The following ALDH6A1 variants were observed in gnomAD, a reference collection of about 807,000 sequenced individuals.
The protein encoded by ALDH6A1 is methylmalonate-semialdehyde/malonate-semialdehyde dehydrogenase [acylating], mitochondrial.
ALDH6A1 carries 43 observed loss-of-function variants against 62.6 expected under a neutral mutation model. That is an observed-to-expected ratio of 0.69 (90% CI 0.54 to 0.89). The LOEUF (loss-of-function observed/expected upper bound fraction) is 0.89, where lower values mean the gene tolerates loss of function less well. Among genes scored for constraint, ALDH6A1 ranks in the 40% least tolerant of loss-of-function variants. The pLI is 0.00. For synonymous variants in ALDH6A1, 194 were observed against 234.2 expected, an observed-to-expected ratio of 0.83 and a Z score of 1.57; for missense variants, 551 against 661.3, an observed-to-expected ratio of 0.83 and a Z score of 1.83.
At position 74,057,141 on chromosome 14, in the gene ALDH6A1, C is replaced by T. The variant is rs369241982; in HGVS notation, c.*3501G>A. 97 of 1,609,332 alleles carry T rather than the reference C, an allele frequency of 6.0e-5. No individual in the cohort carries two copies. Among genetic ancestry groups the T allele is most frequent in the Non-Finnish European group, 7.6e-5 (90 of 1,176,968 alleles). ...CGGTTCTGTTATTTTGTCATTATTG[C>T]AGGGATGAAAGTAAGCTTCAAGATA... is the stretch of plus-strand genomic sequence containing the variant. On this transcript the variant is annotated 3_prime_UTR_variant, in exon 12 of 12. Transcript: ENST00000553458.
At chr14:74,071,639 G>C (rs934914631) in intron 5 of ALDH6A1, 142 bp from the exon 6 acceptor site, 5 of 1,550,846 alleles carry the variant, frequency 3.2e-6, no homozygotes, top group Non-Finnish European at 4.3e-6. Flanking sequence ...CCAAGTTAAG[G>C]GTTTGTGCAA....
intron 11 of ALDH6A1, 81 bp from the exon 12 acceptor site, chr14:74,060,827 T>G: frequency 1.1e-6 from 1 of 946,794 alleles, no homozygotes; most frequent in Non-Finnish European, 1.7e-6. Context: ...AAGGAGGTAT[T>G]ATAAAGTGCT....
chr14:74,072,412 C>T, intron 3 of ALDH6A1, 48 bp from the exon 4 acceptor site: 1 of 1,613,994 alleles, frequency 6.2e-7, no homozygotes, highest in East Asian at 2.2e-5. Context: ...TCACCTTCTC[C>T]ACTGTACATC....
chr14:74,064,754 C>A (rs1309044826), intron 11 of ALDH6A1, 68 bp downstream of exon 11: 14 of 1,611,732 alleles, frequency 8.7e-6, no homozygotes, highest in Non-Finnish European at 1.2e-5. Flanking sequence ...CTTGCAGAAT[C>A]CTTGCTCCTG....
Position 74,067,502 on chromosome 14 carries a change from C to T in ALDH6A1, c.920G>A (p.Gly307Glu), listed in dbSNP as rs1272412729. Residue 307 changes from glycine to glutamate, a missense_variant, in exon 8 of 12, where the codon GGG becomes GAG. Physicochemically the swap from Gly to Glu is moderately conservative, Grantham distance 98. Coordinates refer to ENST00000553458, the MANE Select transcript of ALDH6A1 (RefSeq NM_005589.4). ...CTGACCAGCAGCTCCAAATGCTGCC[C>T]CAACCAGCTGGTTCAGGGTATTTTC... Reference protein sequence around the residue: ...NKENTLNQLVGAAFGAAGQRC... With the variant: ...NKENTLNQLVEAAFGAAGQRC... 3.7e-6 allele frequency: 6 copies of T among 1,614,126 alleles called. No individual in the cohort carries two copies. Among genetic ancestry groups the T allele is most frequent in the Non-Finnish European group, 5.1e-6 (6 of 1,180,030 alleles).
chr14:74,065,742 A>T (rs759248139), intron 9 of ALDH6A1: 27 of 218,018 alleles, frequency 1.2e-4, no homozygotes, highest in Non-Finnish European at 2.4e-4. Flanking sequence ...TACCAGGATA[A>T]TTTTTCTCTT....
At chr14:74,080,668 CTT>C (rs1434831258) in intron 1 of ALDH6A1, among the ~76,000 whole-genome samples, 2 of 152,142 alleles carry the variant, frequency 1.3e-5, no homozygotes, top group African/African-American at 4.8e-5. Flanking sequence ...GTTTTGAACT[CTT>C]AGCCTCAAGC....
chr14:74,075,680 T>C (rs2060605109), intron 1 of ALDH6A1, among the ~76,000 whole-genome samples: 1 of 151,852 alleles, frequency 6.6e-6, no homozygotes, highest in African/African-American at 2.4e-5. Flanking sequence ...AATGTAAATA[T>C]AAATATAAGT....
At chr14:74,072,014 G>A in intron 4 of ALDH6A1, 40 bp from the exon 5 acceptor site, 1 of 1,600,348 alleles carries the variant, frequency 6.2e-7, no homozygotes. Flanking sequence ...ATGCAAGAAT[G>A]TTCCTCTTTT....
chr14:74,070,467 C>T (rs2060533792), intron 6 of ALDH6A1, among the ~76,000 whole-genome samples: 2 of 151,994 alleles, frequency 1.3e-5, no homozygotes, highest in South Asian at 2.1e-4. Context: ...TAGAGTGAGC[C>T]GAGATCGCAC....
intron 11 of ALDH6A1, among the ~76,000 whole-genome samples, chr14:74,061,937 C>T (rs1365581586): frequency 1.3e-5 from 2 of 149,908 alleles, no homozygotes; most frequent in Non-Finnish European, 3.0e-5. Flanking sequence ...CAGCCAGGAG[C>T]GGTGGCTCAC....
chr14:74,074,373 G>A (rs1306684134), intron 2 of ALDH6A1, among the ~76,000 whole-genome samples: 1 of 149,464 alleles, frequency 6.7e-6, no homozygotes, highest in African/African-American at 2.5e-5. Context: ...TGCAACCTCC[G>A]CCTCCCGAAT....
At chr14:74,077,959 A>G (rs1595133172) in intron 1 of ALDH6A1, among the ~76,000 whole-genome samples, 1 of 152,212 alleles carries the variant, frequency 6.6e-6, no homozygotes, top group East Asian at 1.9e-4. Context: ...GTCATTGTAA[A>G]TAACGGCACG....
At chr14:74,072,924 C>T (rs369701097) in intron 2 of ALDH6A1, among the ~76,000 whole-genome samples, 2 of 151,376 alleles carry the variant, frequency 1.3e-5, no homozygotes, top group East Asian at 1.9e-4. Flanking sequence ...CTCAGCCCTT[C>T]GAGTAGCTGA....
intron 1 of ALDH6A1, among the ~76,000 whole-genome samples, chr14:74,079,969 T>C (rs1248729010): frequency 1.3e-5 from 2 of 152,046 alleles, no homozygotes; most frequent in East Asian, 3.9e-4. Context: ...GCCTTGGAGA[T>C]TGAGGCTACA....
chr14:74,067,513 G>C lies in ALDH6A1; in HGVS notation c.909C>G (p.Asn303Lys). Residue 303 changes from asparagine (N) to lysine (K), a missense_variant, in exon 8 of 12, where the codon AAC becomes AAG. By Grantham distance (94) the Asn-to-Lys change is moderately conservative. Coordinates refer to ENST00000553458, the MANE Select transcript of ALDH6A1 (RefSeq NM_005589.4). ...MPDANKENTL[N>K]QLVGAAFGAA... is the part of the protein sequence containing the mutation. Reference sequence around the variant, plus strand: ...CTCCAAATGCTGCCCCAACCAGCTGGTTCAGGGTATTTTCCTTATTGGCAT... The same window carrying C: ...CTCCAAATGCTGCCCCAACCAGCTGCTTCAGGGTATTTTCCTTATTGGCAT... 1 of 1,614,164 alleles carries C rather than the reference G, an allele frequency of 6.2e-7. No individual in the cohort carries two copies. The highest frequency in any genetic ancestry group is 8.5e-7 in the Non-Finnish European group (1 of 1,180,034).
At position 74,067,483 on chromosome 14, in the gene ALDH6A1, A is replaced by G. The variant is rs753490626; in HGVS notation, c.939T>C (p.Ala313=). ...NQLVGAAFGA[A]GQRCMALSTA... is the part of the protein sequence containing the mutation. Reference sequence around the variant, plus strand: ...TTGAAAGAGCCATGCAGCGCTGACCAGCAGCTCCAAATGCTGCCCCAACCA... The same window carrying G: ...TTGAAAGAGCCATGCAGCGCTGACCGGCAGCTCCAAATGCTGCCCCAACCA... Residue 313 remains alanine, a synonymous_variant, in exon 8 of 12, where the codon GCT becomes GCC. Coordinates refer to ENST00000553458, the MANE Select transcript of ALDH6A1 (RefSeq NM_005589.4). 5.6e-6 allele frequency: 9 copies of G among 1,614,240 alleles called. No homozygotes were observed. The highest frequency in any genetic ancestry group is 7.6e-6 in the Non-Finnish European group (9 of 1,180,046).
chr14:74,066,877 G>C lies in ALDH6A1; in HGVS notation c.1052C>G (p.Pro351Arg). 6.2e-7 allele frequency: 1 copy of C among 1,613,218 alleles called. No individual in the cohort carries two copies. The highest frequency in any genetic ancestry group is 8.5e-7 in the Non-Finnish European group (1 of 1,179,222). Reference protein sequence around the residue: ...KNLRVNAGDQPGADLGPLITP... With the variant: ...KNLRVNAGDQRGADLGPLITP... ...GATCAGAGGGCCAAGATCAGCTCCAGGCTGATCTCCTGTAAAACAACACAG... is the reference window on the plus strand; with the variant it reads ...GATCAGAGGGCCAAGATCAGCTCCACGCTGATCTCCTGTAAAACAACACAG... Residue 351 changes from proline to arginine, a missense_variant, in exon 9 of 12, where the codon CCT becomes CGT. Pro to Arg is a moderately radical substitution (Grantham distance 103, BLOSUM62 -2). Transcript: ENST00000553458.
intron 1 of ALDH6A1, among the ~76,000 whole-genome samples, chr14:74,080,607 A>T (rs2060660369): frequency 6.6e-6 from 1 of 151,846 alleles, no homozygotes; most frequent in Non-Finnish European, 1.5e-5. Context: ...CCAGCTAATT[A>T]AAAAAAATTT....
Sources: gnomAD v4.1 joint callset for allele counts (sites outside exome capture counted in the v4.1 genomes callset) on GRCh38, gnomAD v4.1.1 for gene constraint, MANE v1.5 for transcripts, NCBI Gene and HGNC (gene_info 2026-07-23, HGNC 2026-07-21) for gene names.